PCDHGA2: variants seen among roughly 807,000 people sequenced by gnomAD.
PCDHGA2 encodes the protein protocadherin gamma-A2.
Under a neutral mutation model 59.2 loss-of-function variants are expected in PCDHGA2, and 40 were observed. The ratio of observed to expected loss-of-function variants is 0.68; its 90% CI spans 0.52 to 0.88. The LOEUF is 0.88. Ranked by LOEUF, PCDHGA2 falls within the 40% of genes least tolerant of loss-of-function variation. PCDHGA2 has a pLI of 0.00. For missense variants in PCDHGA2, 1,226 were observed against 1,204.0 expected, an observed-to-expected ratio of 1.02 and a Z score of -0.27; for synonymous variants, 560 against 526.0, an observed-to-expected ratio of 1.06 and a Z score of -0.89.
intron 1 of PCDHGA2, chr5:141,423,577 G>A (rs1348410879): frequency 6.2e-7 from 1 of 1,613,478 alleles, no homozygotes; most frequent in Non-Finnish European, 8.5e-7. Context: ...CATCAGCCAG[G>A]AGAGCTGTGA....
At chr5:141,390,230 A>T (rs2092091822) in intron 1 of PCDHGA2, 1 of 1,614,072 alleles carries the variant, frequency 6.2e-7, no homozygotes, top group Admixed American at 1.7e-5. Flanking sequence ...GCGGTGATTC[A>T]TCTGGGGCCT....
Position 141,345,940 on chromosome 5 carries a change from A to G in PCDHGA2, c.2424+4545A>G, listed in dbSNP as rs370686911. 3.7e-6 allele frequency: 6 copies of G among 1,613,262 alleles called. No homozygotes were observed. The highest frequency in any genetic ancestry group is 5.1e-6 in the Non-Finnish European group (6 of 1,179,824). The stretch of plus-strand genomic sequence containing the variant: ...ACGGCGCGAGCCCTGCTGGACAGAG[A>G]CGCGCTCAAGCAGAGCCTCGTGGTG... On this transcript the variant is annotated intron_variant, in intron 1 of 3. Coordinates refer to ENST00000394576, the MANE Select transcript of PCDHGA2 (RefSeq NM_018915.4).
intron 1 of PCDHGA2, among the ~76,000 whole-genome samples, chr5:141,443,832 A>G (rs2098407108): frequency 6.6e-6 from 1 of 152,224 alleles, no homozygotes; most frequent in African/African-American, 2.4e-5. Context: ...ATTAGGTAAA[A>G]TGGGTAATAT....
chr5:141,409,736 G>C (rs1053484390), intron 1 of PCDHGA2: 9 of 1,612,992 alleles, frequency 5.6e-6, no homozygotes, highest in South Asian at 2.2e-5. Context: ...CGCGCAGAGC[G>C]GGGTGGTGTT....
rs774898388 is a variant in PCDHGA2, at chr5:141,491,593, A to G, written c.2425-3214A>G. 6.8e-6 allele frequency: 11 copies of G among 1,613,918 alleles called. No individual in the cohort carries two copies. In the Admixed American group the frequency reaches 1.2e-4, roughly 17 times the overall value. Reference sequence around the variant, plus strand: ...GTGCTTTTCACCGGCCTCGGACGGCAGTGACTTCACTTTTCTAAGACCCCT... The same window carrying G: ...GTGCTTTTCACCGGCCTCGGACGGCGGTGACTTCACTTTTCTAAGACCCCT... On this transcript the variant is annotated intron_variant, in intron 1 of 3. Transcript: ENST00000394576. This position sits in a 1 kb window ranked among gnomAD's most constrained non-coding sequence, Gnocchi z 6.9.
At chr5:141,374,673 A>AC (rs753936532) in intron 1 of PCDHGA2, 1 of 1,610,972 alleles carries the variant, frequency 6.2e-7, no homozygotes, top group Admixed American at 1.7e-5. Flanking sequence ...CTGGTGCTGG[A>AC]GGGCACACTG....
intron 1 of PCDHGA2, chr5:141,374,661 A>G: frequency 6.2e-7 from 1 of 1,611,830 alleles, no homozygotes; most frequent in Non-Finnish European, 8.5e-7. Context: ...AAGTACCCGG[A>G]GCTGGTGCTG....
rs368232567 is a variant in PCDHGA2, at chr5:141,371,262, C to G, written c.2424+29867C>G. The G allele has an allele frequency of 2.9e-5, 46 of 1,613,882 alleles. No individual in the cohort carries two copies. The African/African-American group carries it at 5.6e-4, about 20-fold the overall frequency. On this transcript the variant is annotated intron_variant, in intron 1 of 3. Transcript: ENST00000394576. ...CATCAATATTGGCAAGGAAGTGAGACAACTGTTCAAGCTGGACAGTAAAAC... is the reference window on the plus strand; with the variant it reads ...CATCAATATTGGCAAGGAAGTGAGAGAACTGTTCAAGCTGGACAGTAAAAC...
chr5:141,501,945 T>C (rs1318749969), intron 2 of PCDHGA2, among the ~76,000 whole-genome samples: 1 of 152,106 alleles, frequency 6.6e-6, no homozygotes, highest in Non-Finnish European at 1.5e-5. Context: ...CACTGCTCCC[T>C]GTGACAGGTC....
At chr5:141,498,881 T>C (rs9686648) in intron 2 of PCDHGA2, among the ~76,000 whole-genome samples, 77,838 of 149,554 alleles carry the variant, frequency 0.52, 20,828 homozygotes, top group African/African-American at 0.65. Flanking sequence ...TGCAGTGAGC[T>C]GAGATCACAC....
chr5:141,365,411 C>T (rs1763897064), intron 1 of PCDHGA2: 1 of 1,613,994 alleles, frequency 6.2e-7, no homozygotes, highest in South Asian at 1.1e-5. Context: ...TGAAGACTGT[C>T]TTCCCGGAAC....
intron 1 of PCDHGA2, chr5:141,344,864 G>A: frequency 6.2e-7 from 1 of 1,613,902 alleles, no homozygotes. Flanking sequence ...ATGCTCAAGT[G>A]TCTTATATTC....
At chr5:141,429,486 A>C (rs2097218130) in intron 1 of PCDHGA2, among the ~76,000 whole-genome samples, 1 of 152,114 alleles carries the variant, frequency 6.6e-6, no homozygotes, top group Non-Finnish European at 1.5e-5. Context: ...AGTAGCTGAG[A>C]CTACAGTTGC....
rs1373678836 is a variant in PCDHGA2, at chr5:141,477,459, C to T, written c.2425-17348C>T. 6.2e-7 allele frequency: 1 copy of T among 1,614,186 alleles called. No homozygotes were observed. The highest frequency in any genetic ancestry group is 8.5e-7 in the Non-Finnish European group (1 of 1,180,034). On this transcript the variant is annotated intron_variant, in intron 1 of 3. Coordinates refer to ENST00000394576, the MANE Select transcript of PCDHGA2 (RefSeq NM_018915.4). This position sits in a 1 kb window ranked among gnomAD's most constrained non-coding sequence, Gnocchi z 4.9. ...CTTACAATAGTGCGTGTTCAAGTGTCCGACATCAATGACAACCCTCCACAA... is the reference window on the plus strand; with the variant it reads ...CTTACAATAGTGCGTGTTCAAGTGTTCGACATCAATGACAACCCTCCACAA...
rs199514730 is a variant in PCDHGA2 at position 141,374,139 on chromosome 5, T to C, written c.2424+32744T>C. 615 of 1,609,262 alleles carry C rather than the reference T, an allele frequency of 3.8e-4. No individual in the cohort carries two copies. Among genetic ancestry groups the C allele is most frequent in the Non-Finnish European group, 4.6e-4 (547 of 1,177,006 alleles). ...AGCGAGCAGGTCCTGCTCCTCACGC[T>C]CCTGGGGACGCTGTGGGGGGCCGCG... On this transcript the variant is annotated intron_variant, in intron 1 of 3. Transcript: ENST00000394576.
chr5:141,488,690 G>A (rs1292736219), intron 1 of PCDHGA2, among the ~76,000 whole-genome samples: 1 of 152,186 alleles, frequency 6.6e-6, no homozygotes, highest in African/African-American at 2.4e-5. Flanking sequence ...TCTCCCAGAA[G>A]GACAAGATTT....
intron 1 of PCDHGA2, chr5:141,387,860 G>T: frequency 6.3e-7 from 1 of 1,593,236 alleles, no homozygotes; most frequent in Non-Finnish European, 8.5e-7. Flanking sequence ...CCAGGCTGGT[G>T]AGCAAGCTGA....
At chr5:141,470,694 A>T (rs763715272) in intron 1 of PCDHGA2, among the ~76,000 whole-genome samples, 1 of 151,978 alleles carries the variant, frequency 6.6e-6, no homozygotes, top group African/African-American at 2.4e-5. Flanking sequence ...GAAATTCTTA[A>T]TAATTTTTAT....
intron 1 of PCDHGA2, chr5:141,371,379 G>A (rs993730534): frequency 6.2e-7 from 1 of 1,613,974 alleles, no homozygotes; most frequent in Non-Finnish European, 8.5e-7. Flanking sequence ...ACATCACACT[G>A]CATATTGTAA....
Sources: allele counts gnomAD v4.1 joint callset (sites outside exome capture counted in the v4.1 genomes callset), GRCh38; gene constraint gnomAD v4.1.1; non-coding constraint Gnocchi (gnomAD v3.1); transcripts MANE v1.5; gene names NCBI Gene and HGNC (gene_info 2026-07-23, HGNC 2026-07-21).